UGT1A3: variants seen among roughly 807,000 people sequenced by gnomAD.
UGT1A3 encodes UDP-glucuronosyltransferase 1A3.
A neutral mutation model predicts 41.0 loss-of-function variants in UGT1A3; 31 were observed. The observed-to-expected ratio is 0.76, with a 90% CI of 0.57 to 1.02. UGT1A3 has a LOEUF of 1.02. UGT1A3 is among the 50% of genes least tolerant of loss of function. The pLI, the probability that UGT1A3 is intolerant of heterozygous loss-of-function variation, is 0.00. For missense variants in UGT1A3, 737 were observed against 671.0 expected (o/e 1.10, Z -1.09); for synonymous variants, 262 against 257.6 (o/e 1.02, Z -0.17).
intron 1 of UGT1A3, chr2:233,741,005 T>G (rs1691537974): frequency 6.6e-6 from 1 of 151,828 alleles, no homozygotes; most frequent in African/African-American, 2.4e-5. Context: ...AAGGATCACT[T>G]GAGCCCAGGA....
intron 1 of UGT1A3, among the ~76,000 whole-genome samples, chr2:233,765,889 C>T (rs1032509940): frequency 6.6e-6 from 1 of 152,020 alleles, no homozygotes; most frequent in Admixed American, 6.5e-5. Context: ...TTTCTCAGTG[C>T]GCCACTGCTC....
intron 1 of UGT1A3, chr2:233,756,322 A>G (rs1437718635): frequency 6.6e-6 from 1 of 152,226 alleles, no homozygotes; most frequent in Non-Finnish European, 1.5e-5. Flanking sequence ...ATCCTCCTTT[A>G]AACCTCTAGT....
In UGT1A3 at chr2:233,729,416, CTCAACTGT is replaced by C. The variant is rs2077854535; in HGVS notation, c.291_298del (p.Gln98LeufsTer2). The C allele has an allele frequency of 6.2e-7, 1 of 1,613,510 alleles. No individual in the cohort carries two copies. The stretch of plus-strand genomic sequence containing the variant: ...TTTGATCGCCATGTGCTGGGCCACA[CTCAACTGT>C]ACTTTGAAACAGAACATTTTCTGAA... On this transcript the variant is annotated frameshift_variant, in exon 1 of 5. Transcript: ENST00000482026. LOFTEE classifies it high-confidence loss of function.
In UGT1A3 at chr2:233,734,493, T is replaced by C. The variant is rs572149400; in HGVS notation, c.867+4500T>C. On this transcript the variant is annotated intron_variant, in intron 1 of 4. Coordinates refer to ENST00000482026, the MANE Select transcript of UGT1A3 (RefSeq NM_019093.4). ...TGGATTCATTGATTTTTTTGAAGGT[T>C]TTTTTGTGTCTCTATCTCTTTCAGT... Among the ~76,000 whole-genome samples the C allele has an allele frequency of 7.2e-5, 11 of 152,330 alleles. 1 individual carries two copies. In the South Asian group the frequency reaches 1.2e-3, roughly 17 times the overall value.
chr2:233,767,898 C>A lies in UGT1A3; in HGVS notation c.1049C>A (p.Thr350Lys), dbSNP rs776227074. ...CGACCATCGAATCTTGCGAACAACA[C>A]GATACTTGTTAAGTGGCTACCCCAA... Reference protein sequence around the residue: ...GTRPSNLANNTILVKWLPQND... With the variant: ...GTRPSNLANNKILVKWLPQND... The change falls in exon 3 of 5, where the codon ACG becomes AAG. Residue 350 changes from threonine to lysine, a missense_variant. Thr to Lys is a moderately conservative substitution (Grantham distance 78, BLOSUM62 -1). Coordinates refer to ENST00000482026, the MANE Select transcript of UGT1A3 (RefSeq NM_019093.4). The A allele has an allele frequency of 1.2e-6, 2 of 1,614,152 alleles. No individual in the cohort carries two copies. Among genetic ancestry groups the A allele is most frequent in the Non-Finnish European group, 1.7e-6 (2 of 1,180,048 alleles).
chr2:233,755,235 C>T lies in UGT1A3; in HGVS notation c.868-11799C>T, dbSNP rs1346915931. ...CTTGATACCCTCGGACGAGGCCTACCGGGGTACTCCCAGCACCTCGTAGTA... is the reference window on the plus strand; with the variant it reads ...CTTGATACCCTCGGACGAGGCCTACTGGGGTACTCCCAGCACCTCGTAGTA... On this transcript the variant is annotated intron_variant, in intron 1 of 4. Transcript: ENST00000482026. The T allele has an allele frequency of 1.2e-5, 11 of 904,686 alleles. No homozygotes were observed. The East Asian group carries it at 3.5e-4, about 29-fold the overall frequency. 56.0% of individuals were successfully genotyped at this position (904,686 alleles called of 1,614,324 possible).
chr2:233,751,669 T>C (rs923739098), intron 1 of UGT1A3, among the ~76,000 whole-genome samples: 3 of 152,228 alleles, frequency 2.0e-5, no homozygotes, highest in African/African-American at 7.2e-5. Flanking sequence ...GAGTGAGTTC[T>C]AATGAGAGCT....
chr2:233,763,199 G>A (rs1698259470), intron 1 of UGT1A3, among the ~76,000 whole-genome samples: 1 of 152,320 alleles, frequency 6.6e-6, no homozygotes, highest in African/African-American at 2.4e-5. Context: ...CTTGTTTGGT[G>A]CAGTCAGGCT....
intron 1 of UGT1A3, among the ~76,000 whole-genome samples, chr2:233,732,114 C>A (rs1362758962): frequency 6.7e-6 from 1 of 148,542 alleles, no homozygotes; most frequent in Non-Finnish European, 1.5e-5. Flanking sequence ...TATCCTTTGC[C>A]CACTTTTTGA....
chr2:233,747,437 C>A, intron 1 of UGT1A3: 2 of 1,608,846 alleles, frequency 1.2e-6, no homozygotes, highest in Non-Finnish European at 1.7e-6. Flanking sequence ...AGAAATTTTT[C>A]ACCCTGACAA....
chr2:233,770,833 T>C (rs1328938186), intron 4 of UGT1A3: 1 of 152,206 alleles, frequency 6.6e-6, no homozygotes, highest in Non-Finnish European at 1.5e-5. Context: ...TGCATTGCTG[T>C]AAAGAAATAC....
intron 1 of UGT1A3, chr2:233,748,051 A>C: frequency 6.2e-7 from 1 of 1,613,438 alleles, no homozygotes. Context: ...GGGGGCATCA[A>C]CTGTGCCAAC....
chr2:233,749,225 A>AT, intron 1 of UGT1A3, among the ~76,000 whole-genome samples: 1 of 151,926 alleles, frequency 6.6e-6, no homozygotes, highest in Non-Finnish European at 1.5e-5. Flanking sequence ...TCTAAGCTTC[A>AT]TTTTTTAAAA....
At chr2:233,760,288 A>G (rs1697385056) in intron 1 of UGT1A3, 1 of 1,613,154 alleles carries the variant, frequency 6.2e-7, no homozygotes, top group Non-Finnish European at 8.5e-7. Context: ...CAAAGGCGCC[A>G]TGGCTGTGGA....
chr2:233,762,295 C>T (rs898920191), intron 1 of UGT1A3, among the ~76,000 whole-genome samples: 2 of 152,172 alleles, frequency 1.3e-5, no homozygotes, highest in South Asian at 2.1e-4. Context: ...AGGTGCCAAC[C>T]GAGGTCTAGT....
chr2:233,749,668 C>T (rs1454528355), intron 1 of UGT1A3, among the ~76,000 whole-genome samples: 2 of 151,734 alleles, frequency 1.3e-5, no homozygotes, highest in Non-Finnish European at 2.9e-5. Flanking sequence ...CCCCATAATC[C>T]CCACGTGTCA....
chr2:233,732,919 A>G (rs1421681108), intron 1 of UGT1A3, among the ~76,000 whole-genome samples: 1 of 151,874 alleles, frequency 6.6e-6, no homozygotes, highest in Non-Finnish European at 1.5e-5. Flanking sequence ...CATTTTCACG[A>G]TATTGATTCT....
intron 1 of UGT1A3, among the ~76,000 whole-genome samples, chr2:233,762,360 A>G (rs1698052842): frequency 6.6e-6 from 1 of 152,238 alleles, no homozygotes; most frequent in Non-Finnish European, 1.5e-5. Context: ...TACTCCAGCT[A>G]TTACATACCA....
At chr2:233,740,942 A>G (rs1313081158) in intron 1 of UGT1A3, 4 of 151,462 alleles carry the variant, frequency 2.6e-5, no homozygotes, top group African/African-American at 4.9e-5. Context: ...TTTTTTAATT[A>G]GCTAGGTGTG....
Sources: allele counts gnomAD v4.1 joint callset (sites outside exome capture counted in the v4.1 genomes callset), GRCh38; gene constraint gnomAD v4.1.1; transcripts MANE v1.5; gene names NCBI Gene and HGNC (gene_info 2026-07-23, HGNC 2026-07-21).